The following PARD3B variants were observed in gnomAD, a reference collection of about 807,000 sequenced individuals.
The protein encoded by PARD3B is partitioning defective 3 homolog B.
Under a neutral mutation model 130.2 loss-of-function variants are expected in PARD3B, and 103 were observed. The observed-to-expected ratio is 0.79, with a 90% CI of 0.67 to 0.93. PARD3B has a LOEUF of 0.93. Among genes scored for constraint, PARD3B ranks in the 40% least tolerant of loss-of-function variants. The pLI is 0.00. For synonymous variants in PARD3B, 583 were observed against 553.2 expected (o/e 1.05, Z -0.76); for missense variants, 1,609 against 1,499.2 (o/e 1.07, Z -1.21).
At chr2:204,786,386 A>G (rs1384927910) in intron 2 of PARD3B, among the ~76,000 whole-genome samples, 1 of 151,972 alleles carries the variant, frequency 6.6e-6, no homozygotes, top group Non-Finnish European at 1.5e-5. Flanking sequence ...CAAACAAAGG[A>G]TGGCTTTCTT....
At chr2:205,559,931 C>T (rs745484983) in intron 22 of PARD3B, among the ~76,000 whole-genome samples, 3 of 152,132 alleles carry the variant, frequency 2.0e-5, no homozygotes, top group Non-Finnish European at 4.4e-5. Flanking sequence ...CTAGTGAGCA[C>T]TTACTATGTA....
chr2:204,845,827 A>G (rs997336762), intron 2 of PARD3B, among the ~76,000 whole-genome samples: 1 of 152,156 alleles, frequency 6.6e-6, no homozygotes, highest in Admixed American at 6.5e-5. Context: ...AATGATATGT[A>G]TAGATATAAG....
At chr2:204,729,750 C>T (rs2039403963) in intron 2 of PARD3B, among the ~76,000 whole-genome samples, 1 of 151,954 alleles carries the variant, frequency 6.6e-6, no homozygotes. Context: ...TTATTGTTTT[C>T]ATAGCTTAAG....
At chr2:205,272,883 T>C (rs2040786935) in intron 16 of PARD3B, among the ~76,000 whole-genome samples, 1 of 152,328 alleles carries the variant, frequency 6.6e-6, no homozygotes, top group East Asian at 1.9e-4. Flanking sequence ...GAGATGAATA[T>C]TTTTAACTAG....
intron 2 of PARD3B, among the ~76,000 whole-genome samples, chr2:204,883,323 C>A (rs963892697): frequency 6.9e-6 from 1 of 145,548 alleles, no homozygotes; most frequent in Admixed American, 6.9e-5. Context: ...CTGATTGTTT[C>A]ATTTTTGATC....
chr2:205,386,267 A>G (rs1047720362), intron 18 of PARD3B, among the ~76,000 whole-genome samples: 1 of 152,162 alleles, frequency 6.6e-6, no homozygotes, highest in Admixed American at 6.5e-5. Flanking sequence ...GACCACTGGC[A>G]TGTATTTTTA....
chr2:205,154,024 A>G (rs975722857), intron 10 of PARD3B, among the ~76,000 whole-genome samples: 4 of 152,220 alleles, frequency 2.6e-5, no homozygotes, highest in Non-Finnish European at 5.9e-5. Flanking sequence ...AGCAATGGCA[A>G]CAAAAGCCAA....
At chr2:204,854,306 G>A (rs2044831302) in intron 2 of PARD3B, among the ~76,000 whole-genome samples, 1 of 152,120 alleles carries the variant, frequency 6.6e-6, no homozygotes, top group South Asian at 2.1e-4. Flanking sequence ...CTTCTTGGAT[G>A]CAGCAAGGAA....
rs959531346 is a variant in PARD3B, at chr2:205,230,368, G to A, written c.2141-15410G>A. 1.3e-5 allele frequency among the ~76,000 whole-genome samples: 2 copies of A among 152,126 alleles called. No homozygotes were observed. The highest frequency in any genetic ancestry group is 4.8e-5 in the African/African-American group (2 of 41,424). On this transcript the variant is annotated intron_variant, in intron 15 of 22. Transcript: ENST00000406610. This position sits in a 1 kb window ranked among gnomAD's most constrained non-coding sequence, Gnocchi z 4.1. ...CAAGTGATGAATCCTACCAGGTCTG[G>A]GTTCTCCCCTTCAAAGCTGCGAGTT...
At chr2:205,518,191 T>C (rs1469732724) in intron 21 of PARD3B, among the ~76,000 whole-genome samples, 1 of 152,116 alleles carries the variant, frequency 6.6e-6, no homozygotes, top group African/African-American at 2.4e-5. Context: ...AGGAGTCTCC[T>C]ACTATTATTG....
chr2:205,005,071 C>T (rs1362770057), intron 3 of PARD3B, among the ~76,000 whole-genome samples: 1 of 151,958 alleles, frequency 6.6e-6, no homozygotes, highest in Non-Finnish European at 1.5e-5. Flanking sequence ...TTTTTCTCTC[C>T]TGCTTCCTCC....
At chr2:204,794,249 A>T (rs950247837) in intron 2 of PARD3B, among the ~76,000 whole-genome samples, 6 of 152,240 alleles carry the variant, frequency 3.9e-5, no homozygotes, top group Non-Finnish European at 8.8e-5. Flanking sequence ...AATCTCTATA[A>T]ATTTCATGTA....
intron 18 of PARD3B, among the ~76,000 whole-genome samples, chr2:205,343,188 A>G (rs2043606614): frequency 6.6e-6 from 1 of 152,190 alleles, no homozygotes; most frequent in African/African-American, 2.4e-5. Flanking sequence ...GACTAAGTGG[A>G]TGAAGCCCCC....
At chr2:205,124,285 A>C in intron 8 of PARD3B, 42 bp from the exon 9 acceptor site, 1 of 1,419,658 alleles carries the variant, frequency 7.0e-7, no homozygotes, top group Non-Finnish European at 9.4e-7. Flanking sequence ...AATATTACTC[A>C]TGCTTAAGAT....
Position 204,965,222 on chromosome 2 carries a change from G to A in PARD3B, c.293G>A (p.Arg98Gln), listed in dbSNP as rs760775992. The A allele has an allele frequency of 1.5e-5, 24 of 1,613,796 alleles. No individual in the cohort carries two copies. The East Asian group carries it at 1.8e-4, about 12-fold the overall frequency. Residue 98 changes from arginine (R) to glutamine (Q), a missense_variant, in exon 3 of 23, where the codon CGG becomes CAG. Transcript: ENST00000406610. ...IESPSGNPAD[R>Q]QSPDAFETEV... ...AGCCCCAGTGGAAACCCTGCAGATCGGCAGAGCCCAGATGCTTTTGAGACA... is the reference window on the plus strand; with the variant it reads ...AGCCCCAGTGGAAACCCTGCAGATCAGCAGAGCCCAGATGCTTTTGAGACA...
intron 2 of PARD3B, among the ~76,000 whole-genome samples, chr2:204,762,116 ATTTTTTT>A (rs968166780): frequency 0.022 from 2,051 of 95,384 alleles, 15 homozygotes; most frequent in Non-Finnish European, 0.033. Flanking sequence ...TTCTTTTTCT[ATTTTTTT>A]TTTTTTTTTT....
chr2:204,940,347 A>G (rs1688804462), intron 2 of PARD3B, among the ~76,000 whole-genome samples: 1 of 152,174 alleles, frequency 6.6e-6, no homozygotes, highest in South Asian at 2.1e-4. Context: ...TCTGAGAGTT[A>G]AAGGGATAAA....
intron 18 of PARD3B, among the ~76,000 whole-genome samples, chr2:205,319,593 T>A (rs534571408): frequency 3.3e-5 from 5 of 152,332 alleles, no homozygotes; most frequent in Non-Finnish European, 7.3e-5. Context: ...TGTGCTTTTG[T>A]GTGATTTTCC....
intron 10 of PARD3B, among the ~76,000 whole-genome samples, chr2:205,144,380 A>G (rs2033197650): frequency 6.6e-6 from 1 of 152,172 alleles, no homozygotes; most frequent in Non-Finnish European, 1.5e-5. Flanking sequence ...TAATTTGGGG[A>G]TGATTTGTTA....
Sources: gnomAD v4.1 joint callset for allele counts (sites outside exome capture counted in the v4.1 genomes callset) on GRCh38, gnomAD v4.1.1 for gene constraint, Gnocchi (gnomAD v3.1) non-coding constraint, MANE v1.5 for transcripts, NCBI Gene and HGNC (gene_info 2026-07-23, HGNC 2026-07-21) for gene names.